The following P2RY14 variants were observed in gnomAD, a reference collection of about 807,000 sequenced individuals.
P2RY14 encodes purinergic receptor P2Y14.
P2RY14 carries 2 observed loss-of-function variants against 0.9 expected under a neutral mutation model. The ratio of observed to expected loss-of-function variants is 2.16; its 90% CI spans 0.88 to 6.79. The LOEUF (loss-of-function observed/expected upper bound fraction) is 6.79. Among genes scored for constraint, P2RY14 ranks in the 30% most tolerant of loss-of-function variants. P2RY14 has a pLI of 0.05. For synonymous variants in P2RY14, 158 were observed against 147.2 expected, an observed-to-expected ratio of 1.07 and a Z score of -0.53; for missense variants, 378 against 400.1, an observed-to-expected ratio of 0.94 and a Z score of 0.47.
chr3:151,250,773 G>A (rs1736700907), intron 1 of P2RY14, among the ~76,000 whole-genome samples: 1 of 152,100 alleles, frequency 6.6e-6, no homozygotes, highest in African/African-American at 2.4e-5. Context: ...AGTTCTTTTG[G>A]TTATGTGCCC....
At chr3:151,247,223 G>T (rs1735748975) in intron 1 of P2RY14, among the ~76,000 whole-genome samples, 1 of 151,998 alleles carries the variant, frequency 6.6e-6, no homozygotes, top group Non-Finnish European at 1.5e-5. Flanking sequence ...CAGGGATCTA[G>T]AACTGGAAAT....
intron 1 of P2RY14, among the ~76,000 whole-genome samples, chr3:151,222,673 G>T (rs181577052): frequency 6.6e-6 from 1 of 152,110 alleles, no homozygotes; most frequent in Non-Finnish European, 1.5e-5. Context: ...TTTGTAAATT[G>T]CCCATTCTCA....
At chr3:151,217,609 G>A (rs1448742869) in intron 2 of P2RY14, among the ~76,000 whole-genome samples, 1 of 152,178 alleles carries the variant, frequency 6.6e-6, no homozygotes, top group Admixed American at 6.6e-5. Flanking sequence ...TAGGGTGGGA[G>A]GTTTTAGACA....
At chr3:151,243,231 G>A (rs1384984516) in intron 1 of P2RY14, among the ~76,000 whole-genome samples, 8 of 151,848 alleles carry the variant, frequency 5.3e-5, no homozygotes, top group Non-Finnish European at 1.0e-4. Flanking sequence ...ATCTAGCAAG[G>A]CAGGCCAACG....
At chr3:151,257,661 T>A (rs1738080276) in intron 1 of P2RY14, among the ~76,000 whole-genome samples, 1 of 152,248 alleles carries the variant, frequency 6.6e-6, no homozygotes, top group African/African-American at 2.4e-5. Flanking sequence ...GCTTCAAGAT[T>A]TGCATTGTGT....
At chr3:151,235,768 C>T (rs1367513137) in intron 1 of P2RY14, among the ~76,000 whole-genome samples, 1 of 151,942 alleles carries the variant, frequency 6.6e-6, no homozygotes, top group African/African-American at 2.4e-5. Context: ...CTGGCTTCTG[C>T]CTGTGATTGT....
chr3:151,264,607 T>C (rs572721478), intron 1 of P2RY14, among the ~76,000 whole-genome samples: 3 of 152,352 alleles, frequency 2.0e-5, no homozygotes, highest in Non-Finnish European at 4.4e-5. Context: ...AAATTGCAGT[T>C]TAATTTGTGT....
At chr3:151,246,465 C>T (rs558302392) in intron 1 of P2RY14, among the ~76,000 whole-genome samples, 173 of 151,982 alleles carry the variant, frequency 1.1e-3, no homozygotes, top group Non-Finnish European at 2.1e-3. Flanking sequence ...GAAATAACGC[C>T]GCATATCTAC....
intron 1 of P2RY14, among the ~76,000 whole-genome samples, chr3:151,231,130 T>A (rs1731581733): frequency 6.6e-6 from 1 of 152,070 alleles, no homozygotes; most frequent in Non-Finnish European, 1.5e-5. Flanking sequence ...GAGTTTATGG[T>A]GATATTAAAA....
intron 1 of P2RY14, among the ~76,000 whole-genome samples, chr3:151,220,016 T>C (rs1729029882): frequency 6.6e-6 from 1 of 151,112 alleles, no homozygotes; most frequent in Non-Finnish European, 1.5e-5. Context: ...GTTTTGTTTT[T>C]TAAAAACCTT....
At chr3:151,218,609 C>T (rs982511917) in intron 2 of P2RY14, among the ~76,000 whole-genome samples, 2 of 151,982 alleles carry the variant, frequency 1.3e-5, no homozygotes, top group Non-Finnish European at 2.9e-5. Flanking sequence ...TGGCTCAAGC[C>T]TGTAATCCCA....
chr3:151,268,206 G>A (rs1740204885), intron 1 of P2RY14, among the ~76,000 whole-genome samples: 1 of 151,738 alleles, frequency 6.6e-6, no homozygotes, highest in African/African-American at 2.4e-5. Flanking sequence ...AGTGTTTTAG[G>A]GTATAGAAAA....
intron 1 of P2RY14, among the ~76,000 whole-genome samples, chr3:151,256,061 A>G (rs1375382393): frequency 6.6e-6 from 1 of 152,250 alleles, no homozygotes; most frequent in Non-Finnish European, 1.5e-5. Flanking sequence ...ATGGTTCAAC[A>G]TATGCTAGAT....
At chr3:151,262,723 G>C (rs146245275) in intron 1 of P2RY14, among the ~76,000 whole-genome samples, 159 of 152,038 alleles carry the variant, frequency 1.0e-3, no homozygotes, top group African/African-American at 3.4e-3. Context: ...ATGGTAAAAT[G>C]CACTAGGAAG....
intron 1 of P2RY14, among the ~76,000 whole-genome samples, chr3:151,224,954 A>G (rs549460099): frequency 2.0e-5 from 3 of 152,144 alleles, no homozygotes; most frequent in Admixed American, 6.5e-5. Context: ...ATTACATTTT[A>G]TGTTACTAAA....
intron 1 of P2RY14, among the ~76,000 whole-genome samples, chr3:151,261,684 G>GAT (rs1738913255): frequency 1.1e-5 from 1 of 91,428 alleles, no homozygotes; most frequent in Non-Finnish European, 2.1e-5. Flanking sequence ...AGTGGTACGT[G>GAT]GTGTTTTGTT....
chr3:151,233,547 A>G (rs1048796212), intron 1 of P2RY14, among the ~76,000 whole-genome samples: 1 of 152,198 alleles, frequency 6.6e-6, no homozygotes, highest in African/African-American at 2.4e-5. Context: ...CAGCCTGACC[A>G]ACATGGAGAA....
At chr3:151,215,898 G>A (rs1171197893) in intron 2 of P2RY14, among the ~76,000 whole-genome samples, 1 of 152,132 alleles carries the variant, frequency 6.6e-6, no homozygotes. Flanking sequence ...CTGGACCTTT[G>A]CACAGACTTT....
chr3:151,229,618 A>G (rs983128398), intron 1 of P2RY14, among the ~76,000 whole-genome samples: 2 of 151,534 alleles, frequency 1.3e-5, no homozygotes, highest in African/African-American at 4.9e-5. Flanking sequence ...AGCTGGGACT[A>G]CAGGCGCCCA....
Sources: allele counts gnomAD v4.1 joint callset (sites outside exome capture counted in the v4.1 genomes callset), GRCh38; gene constraint gnomAD v4.1.1; transcripts MANE v1.5; gene names NCBI Gene and HGNC (gene_info 2026-07-23, HGNC 2026-07-21).